CACNG8: variants seen among roughly 807,000 people sequenced by gnomAD.
CACNG8 encodes the protein voltage-dependent calcium channel gamma-8 subunit.
A neutral mutation model predicts 26.9 loss-of-function variants in CACNG8; 5 were observed. The observed-to-expected ratio is 0.19, with a 90% CI of 0.10 to 0.39. The LOEUF is 0.39. Ranked by LOEUF, CACNG8 falls within the 10% of genes least tolerant of loss-of-function variation. CACNG8 has a pLI of 1.00. For missense variants in CACNG8, 473 were observed against 609.4 expected, an observed-to-expected ratio of 0.78 and a Z score of 2.36; for synonymous variants, 321 against 296.7, an observed-to-expected ratio of 1.08 and a Z score of -0.84.
At chr19:53,969,645 C>T (rs969011113) in intron 1 of CACNG8, among the ~76,000 whole-genome samples, 7 of 152,068 alleles carry the variant, frequency 4.6e-5, no homozygotes, top group African/African-American at 1.7e-4. Context: ...ATCGGGGCTC[C>T]AGGGGTGTAG....
Position 53,982,821 on chromosome 19 carries a change from C to G in CACNG8, c.1250C>G (p.Thr417Arg). Residue 417 changes from threonine (T) to arginine (R), a missense_variant, in exon 4 of 4, where the codon ACG (threonine) becomes AGG (arginine). This residue lies in a region of CACNG8 where 212 missense variants were observed against 214.4 expected (regional missense o/e 0.99). Coordinates refer to ENST00000270458, the MANE Select transcript of CACNG8 (RefSeq NM_031895.6). This position sits in a 1 kb window ranked among gnomAD's most constrained non-coding sequence, Gnocchi z 8.4. ...GAGGCCGCCGCCTCCAACACCAACA[C>G]GCTCAACAGGAAAACCACGCCTGTG... 7.3e-7 allele frequency: 1 copy of G among 1,376,272 alleles called. No individual in the cohort carries two copies. The highest frequency in any genetic ancestry group is 9.4e-7 in the Non-Finnish European group (1 of 1,058,606). 85.3% of individuals were successfully genotyped at this position (1,376,272 alleles called of 1,614,324 possible).
chr19:53,967,080 C>T (rs1035831274), intron 1 of CACNG8, among the ~76,000 whole-genome samples: 3 of 152,098 alleles, frequency 2.0e-5, no homozygotes, highest in Non-Finnish European at 4.4e-5. Context: ...TTGTAGGATG[C>T]TGAGCAACAG....
intron 1 of CACNG8, among the ~76,000 whole-genome samples, chr19:53,968,205 T>C (rs1276151953): frequency 1.3e-5 from 2 of 151,878 alleles, no homozygotes; most frequent in African/African-American, 4.8e-5. Flanking sequence ...TGAGACCTTG[T>C]CTCTACAAAT....
At chr19:53,976,347 C>A (rs2145938262) in intron 1 of CACNG8, among the ~76,000 whole-genome samples, 1 of 152,222 alleles carries the variant, frequency 6.6e-6, no homozygotes, top group Non-Finnish European at 1.5e-5. Context: ...AGAGGGAGAC[C>A]CTGTCTCAAA....
intron 3 of CACNG8, among the ~76,000 whole-genome samples, chr19:53,980,243 G>A (rs934184102): frequency 1.4e-4 from 20 of 146,288 alleles, no homozygotes; most frequent in African/African-American, 5.1e-4. Context: ...CTTCGGAGGA[G>A]TAAACCGACA....
intron 2 of CACNG8, among the ~76,000 whole-genome samples, chr19:53,978,997 A>AGGGGG (rs1555815380): frequency 5.8e-4 from 2 of 3,444 alleles, no homozygotes; most frequent in Admixed American, 3.4e-3. Flanking sequence ...AGGCGAAAAA[A>AGGGGG]GGGGTGGGGT....
rs1049748759 is a variant in CACNG8, at chr19:53,982,591, C to T, written c.1020C>T (p.Ala340=). Residue 340 remains alanine (A), a synonymous_variant, in exon 4 of 4, where the codon GCC becomes GCT. Transcript: ENST00000270458. This position sits in a 1 kb window ranked among gnomAD's most constrained non-coding sequence, Gnocchi z 8.4. ...CCGTGGGGGCGTTCGGCGGCGCGGC[C>T]GGGGGCGCCGGGGGCGGCGGCGGAG... 2.1e-6 allele frequency: 2 copies of T among 953,336 alleles called. No individual in the cohort carries two copies. Among genetic ancestry groups the T allele is most frequent in the African/African-American group, 3.6e-5 (2 of 55,878 alleles). The allele number at this position is 953,336 out of a possible 1,614,324, so 59.1% of individuals were successfully genotyped here.
chr19:53,963,914 A>G (rs1354548759), intron 1 of CACNG8, among the ~76,000 whole-genome samples: 3 of 131,256 alleles, frequency 2.3e-5, no homozygotes, highest in Non-Finnish European at 3.2e-5. Context: ...CCATCCTCCC[A>G]CCTCTGCCTC....
chr19:53,973,294 G>A (rs915670463), intron 1 of CACNG8, among the ~76,000 whole-genome samples: 6 of 152,154 alleles, frequency 3.9e-5, no homozygotes, highest in African/African-American at 1.4e-4. Context: ...GGCTGACGTG[G>A]GTGGATCACC....
At position 53,989,351 on chromosome 19, in the gene CACNG8, G is replaced by A. The variant is rs1348703719; in HGVS notation, c.*6502G>A. ...GAAGACAGAAAAGGAGGAGGAGAGA[G>A]ACTGACAGGTACACAAATCAGAGAA... On this transcript the variant is annotated 3_prime_UTR_variant, in exon 4 of 4. Transcript: ENST00000270458. 6.6e-6 allele frequency: 1 copy of A among 152,504 alleles called. No individual in the cohort carries two copies. Among genetic ancestry groups the A allele is most frequent in the Non-Finnish European group, 1.5e-5 (1 of 68,058 alleles). 9.4% of individuals were successfully genotyped at this position (152,504 alleles called of 1,614,324 possible).
At chr19:53,972,512 C>T (rs536607329) in intron 1 of CACNG8, among the ~76,000 whole-genome samples, 1 of 151,762 alleles carries the variant, frequency 6.6e-6, no homozygotes, top group Admixed American at 6.6e-5. Context: ...TAGGCACCTG[C>T]CACCATGCCT....
chr19:53,969,430 T>C (rs952849872), intron 1 of CACNG8, among the ~76,000 whole-genome samples: 3 of 151,358 alleles, frequency 2.0e-5, no homozygotes, highest in African/African-American at 4.9e-5. Context: ...TGTTTACTTT[T>C]TTTTTTTTTT....
chr19:53,977,604 C>T (rs1169204207), intron 1 of CACNG8, among the ~76,000 whole-genome samples: 1 of 152,198 alleles, frequency 6.6e-6, no homozygotes, highest in East Asian at 1.9e-4. Context: ...CCCCACAGGA[C>T]TAGAGACTAC....
At position 53,982,636 on chromosome 19, in the gene CACNG8, C is replaced by G; in HGVS notation, c.1065C>G (p.Ala355=). Reference sequence around the variant, plus strand: ...GCGGAGGCGGCGGCGGGGCGGGTGCCGAGCGGGACCGCGGGGGGGCGTCCG... The same window carrying G: ...GCGGAGGCGGCGGCGGGGCGGGTGCGGAGCGGGACCGCGGGGGGGCGTCCG... The change falls in exon 4 of 4, where the codon GCC becomes GCG. Residue 355 remains alanine, a synonymous_variant. Transcript: ENST00000270458. The surrounding 1 kb of genome is among the most constrained non-coding windows in gnomAD (Gnocchi z 8.4). 1 of 1,024,102 alleles carries G rather than the reference C, an allele frequency of 9.8e-7. No homozygotes were observed. Among genetic ancestry groups the G allele is most frequent in the Non-Finnish European group, 1.2e-6 (1 of 856,608 alleles). 63.4% of individuals were successfully genotyped at this position (1,024,102 alleles called of 1,614,324 possible). A position where few individuals can be genotyped will look rare whatever the true frequency, so the allele number is the denominator to read the frequency against.
At chr19:53,978,955 GGAGA>G (rs938350492) in intron 2 of CACNG8, among the ~76,000 whole-genome samples, 3 of 139,170 alleles carry the variant, frequency 2.2e-5, no homozygotes, top group Non-Finnish European at 4.6e-5. Context: ...GAAAAGGAGG[GGAGA>G]GAGAGACCCA....
chr19:53,968,637 G>A lies in CACNG8; in HGVS notation c.283+5212G>A, dbSNP rs376916758. On this transcript the variant is annotated intron_variant, in intron 1 of 3. Transcript: ENST00000270458. ...ACAAAAATTAGCCGGGCGTGGTGGC[G>A]TGTACCTATAATCCCAGCTACTCGG... Among the ~76,000 whole-genome samples, 10 of 151,744 alleles carry A rather than the reference G, an allele frequency of 6.6e-5. No homozygotes were observed. In the East Asian group the frequency reaches 9.7e-4, roughly 15 times the overall value.
At position 53,982,792 on chromosome 19, in the gene CACNG8, C is replaced by T. The variant is rs1188290394; in HGVS notation, c.1221C>T (p.Ala407=). 5.1e-6 allele frequency: 7 copies of T among 1,365,778 alleles called. No homozygotes were observed. The highest frequency in any genetic ancestry group is 6.6e-6 in the Non-Finnish European group (7 of 1,053,278). 84.6% of individuals were successfully genotyped at this position (1,365,778 alleles called of 1,614,324 possible). A position where few individuals can be genotyped will look rare whatever the true frequency, so the allele number is the denominator to read the frequency against. ...CTGCGCCCGCCCCCGGGACCCTGGC[C>T]AAGGAGGCCGCCGCCTCCAACACCA... The change falls in exon 4 of 4, where the codon GCC becomes GCT. Residue 407 remains alanine (A), a synonymous_variant. Transcript: ENST00000270458. The surrounding 1 kb of genome is among the most constrained non-coding windows in gnomAD (Gnocchi z 8.4).
chr19:53,972,883 C>T (rs1395903898), intron 1 of CACNG8, among the ~76,000 whole-genome samples: 1 of 152,200 alleles, frequency 6.6e-6, no homozygotes, highest in East Asian at 1.9e-4. Flanking sequence ...ATATGCTGAA[C>T]TCCCAAACCG....
At chr19:53,979,746 A>T in intron 2 of CACNG8, 121 bp from the exon 3 acceptor site, 1 of 1,011,358 alleles carries the variant, frequency 9.9e-7, no homozygotes. Flanking sequence ...ACACAGCCGG[A>T]GAGAGAGAAT....
Sources: allele counts gnomAD v4.1 joint callset (sites outside exome capture counted in the v4.1 genomes callset), GRCh38; gene constraint gnomAD v4.1.1; regional missense constraint gnomAD v4.1.1; non-coding constraint Gnocchi (gnomAD v3.1); transcripts MANE v1.5; gene names NCBI Gene and HGNC (gene_info 2026-07-23, HGNC 2026-07-21).